Variants in FAT3 observed in about 807,000 individuals in gnomAD.
FAT3 encodes the protein protocadherin Fat 3.
Under a neutral mutation model 310.2 loss-of-function variants are expected in FAT3, and 95 were observed. That is an observed-to-expected ratio of 0.31 (90% CI 0.26 to 0.36). FAT3 has a LOEUF of 0.36. Among genes scored for constraint, FAT3 ranks in the 10% least tolerant of loss-of-function variants. FAT3 has a pLI of 1.00. For synonymous variants in FAT3, 2,314 were observed against 2,192.9 expected (o/e 1.06, Z -1.54); for missense variants, 5,408 against 5,715.6 (o/e 0.95, Z 1.74).
chr11:92,793,203 T>C (rs1241866227), intron 9 of FAT3, among the ~76,000 whole-genome samples: 1 of 152,196 alleles, frequency 6.6e-6, no homozygotes, highest in African/African-American at 2.4e-5. Context: ...TTTGTTGTGT[T>C]TGATCTTGGA....
intron 3 of FAT3, among the ~76,000 whole-genome samples, chr11:92,611,620 C>A (rs1940566083): frequency 6.6e-6 from 1 of 151,976 alleles, no homozygotes; most frequent in African/African-American, 2.4e-5. Context: ...TCTTGAACTC[C>A]TGGCCTCAAG....
At chr11:92,445,335 C>T (rs2135096647) in intron 2 of FAT3, among the ~76,000 whole-genome samples, 1 of 152,184 alleles carries the variant, frequency 6.6e-6, no homozygotes, top group East Asian at 1.9e-4. Context: ...ATCATGATCT[C>T]TGGGGATGGG....
intron 3 of FAT3, among the ~76,000 whole-genome samples, chr11:92,640,156 A>G (rs1232854902): frequency 1.3e-5 from 2 of 152,034 alleles, no homozygotes; most frequent in African/African-American, 2.4e-5. Context: ...AGGGTCCTCT[A>G]ACTGATTCTG....
intron 2 of FAT3, among the ~76,000 whole-genome samples, chr11:92,424,001 A>G (rs1220385613): frequency 6.6e-6 from 1 of 152,220 alleles, no homozygotes; most frequent in Non-Finnish European, 1.5e-5. Flanking sequence ...AAATTGTCAT[A>G]TAAAATTAAC....
intron 17 of FAT3, 122 bp downstream of exon 17, chr11:92,837,928 C>A (rs1418510575): frequency 8.2e-6 from 10 of 1,222,256 alleles, no homozygotes; most frequent in Non-Finnish European, 1.2e-5. Flanking sequence ...CTTCATAGGG[C>A]AGGTATGAAA....
Position 92,408,513 on chromosome 11 carries a change from A to G in FAT3, c.3292+53109A>G, listed in dbSNP as rs574480622. ...CAGTAATCACAGCCTGGGTTGGAAG[A>G]TGACACTGAATTAAATAAGTGTATG... On this transcript the variant is annotated intron_variant, in intron 2 of 27. Transcript: ENST00000525166. Among the ~76,000 whole-genome samples, 5 of 152,292 alleles carry G rather than the reference A, an allele frequency of 3.3e-5. No individual in the cohort carries two copies. In the East Asian group the frequency reaches 7.7e-4, roughly 24 times the overall value.
At chr11:92,444,659 T>TG (rs755778129) in intron 2 of FAT3, among the ~76,000 whole-genome samples, 6,143 of 108,946 alleles carry the variant, frequency 0.056, 209 homozygotes, top group African/African-American at 0.085. Flanking sequence ...TGGATATTAC[T>TG]GGGGGGGGGG....
At chr11:92,419,867 G>A (rs1314012323) in intron 2 of FAT3, among the ~76,000 whole-genome samples, 1 of 152,054 alleles carries the variant, frequency 6.6e-6, no homozygotes, top group Non-Finnish European at 1.5e-5. Flanking sequence ...ATAGCCTGTT[G>A]GCTCATAGGA....
intron 6 of FAT3, among the ~76,000 whole-genome samples, chr11:92,767,873 C>T (rs1308835081): frequency 6.6e-6 from 1 of 152,134 alleles, no homozygotes; most frequent in African/African-American, 2.4e-5. Flanking sequence ...CCCCAGGCAG[C>T]CACTATGCTA....
chr11:92,240,899 T>TTGTAGAATGTGGAAATTTTTATA (rs1864647263), intron 1 of FAT3, among the ~76,000 whole-genome samples: 2 of 152,076 alleles, frequency 1.3e-5, no homozygotes, highest in Non-Finnish European at 2.9e-5. Flanking sequence ...TTTTCCAGTC[T>TTGTAGAATGTGGAAATTTTTATA]ATTTTATAAT....
chr11:92,228,629 A>G (rs1334985863), intron 1 of FAT3, among the ~76,000 whole-genome samples: 1 of 152,204 alleles, frequency 6.6e-6, no homozygotes, highest in East Asian at 1.9e-4. Context: ...GAGGGTATTT[A>G]GTCATTACCA....
intron 4 of FAT3, among the ~76,000 whole-genome samples, chr11:92,717,366 A>G (rs1285663332): frequency 6.6e-6 from 1 of 152,212 alleles, no homozygotes; most frequent in East Asian, 1.9e-4. Flanking sequence ...GCTAAAGGGC[A>G]TATATACAAT....
At chr11:92,730,541 AT>A (rs1185792286) in intron 4 of FAT3, among the ~76,000 whole-genome samples, 2 of 152,200 alleles carry the variant, frequency 1.3e-5, no homozygotes, top group African/African-American at 2.4e-5. Flanking sequence ...AGTCCTTTTT[AT>A]CTTGACTCCA....
At chr11:92,710,890 G>C (rs1944498646) in intron 4 of FAT3, among the ~76,000 whole-genome samples, 1 of 152,144 alleles carries the variant, frequency 6.6e-6, no homozygotes, top group Non-Finnish European at 1.5e-5. Flanking sequence ...AGGTGAAAGG[G>C]AGAAAAAGCC....
chr11:92,526,569 T>C (rs949617830), intron 3 of FAT3, among the ~76,000 whole-genome samples: 1 of 152,154 alleles, frequency 6.6e-6, no homozygotes, highest in African/African-American at 2.4e-5. Flanking sequence ...TACTTAGGAA[T>C]GAATAGAAAA....
intron 6 of FAT3, among the ~76,000 whole-genome samples, chr11:92,771,803 G>A (rs1946464450): frequency 6.6e-6 from 1 of 151,172 alleles, no homozygotes; most frequent in Admixed American, 6.6e-5. Context: ...AATGGTATTT[G>A]ATATGAAAAA....
chr11:92,411,472 A>C (rs946470641), intron 2 of FAT3, among the ~76,000 whole-genome samples: 2 of 152,078 alleles, frequency 1.3e-5, no homozygotes, highest in South Asian at 4.1e-4. Context: ...CTACATACCC[A>C]CCACTTGTAA....
rs1457077557 is a variant in FAT3, at chr11:92,353,264, C to A, written c.1152C>A (p.Ser384Arg). The change falls in exon 2 of 28, where the codon AGC becomes AGA. Residue 384 changes from serine to arginine, a missense_variant. Transcript: ENST00000525166. ...TTGAAAAAGAAGTGTACGATGTGAGCATAAGTGAATTTTCCCCTCCTGGTG... is the reference window on the plus strand; with the variant it reads ...TTGAAAAAGAAGTGTACGATGTGAGAATAAGTGAATTTTCCCCTCCTGGTG... ...IRFEKEVYDVSISEFSPPGVV... is the reference protein window; with the variant it reads ...IRFEKEVYDVRISEFSPPGVV... 6.2e-7 allele frequency: 1 copy of A among 1,613,592 alleles called. No individual in the cohort carries two copies. Among genetic ancestry groups the A allele is most frequent in the Non-Finnish European group, 8.5e-7 (1 of 1,179,832 alleles).
intron 1 of FAT3, among the ~76,000 whole-genome samples, chr11:92,233,015 T>C (rs1864253996): frequency 6.6e-6 from 1 of 152,224 alleles, no homozygotes; most frequent in Admixed American, 6.5e-5. Context: ...CAGTTTCTAA[T>C]CATACAGAAG....
Sources: allele counts gnomAD v4.1 joint callset (sites outside exome capture counted in the v4.1 genomes callset), GRCh38; gene constraint gnomAD v4.1.1; transcripts MANE v1.5; gene names NCBI Gene and HGNC (gene_info 2026-07-23, HGNC 2026-07-21).